The following LARS1 variants were observed in gnomAD, a reference collection of about 807,000 sequenced individuals.
LARS1 encodes the protein leucyl-tRNA synthetase 1.
LARS1 carries 100 observed loss-of-function variants against 162.8 expected under a neutral mutation model. The ratio of observed to expected loss-of-function variants is 0.61; its 90% CI spans 0.52 to 0.73. LARS1 has a LOEUF of 0.73. LARS1 is among the 30% of genes least tolerant of loss of function. LARS1 has a pLI of 0.00. For synonymous variants in LARS1, 457 were observed against 462.8 expected (o/e 0.99, Z 0.16); for missense variants, 1,258 against 1,408.9 (o/e 0.89, Z 1.71).
intron 10 of LARS1, among the ~76,000 whole-genome samples, chr5:146,156,216 C>T (rs62373786): frequency 0.22 from 33,890 of 151,980 alleles, 4,844 homozygotes; most frequent in Admixed American, 0.34. Flanking sequence ...TATCTTTTTG[C>T]GTTTTTTGAA....
At position 146,122,577 on chromosome 5, in the gene LARS1, A is replaced by G. The variant is rs745713653; in HGVS notation, c.3107T>C (p.Ile1036Thr). ...TGCTTCGGAGGCAAACTTGACTTCT[A>G]TGTGTTCTAGCTAAACAGACGGGAA... ...YLTNSLELEH[I>T]EVKFASEAED... Residue 1036 changes from isoleucine (I) to threonine (T), a missense_variant, in exon 30 of 32, where the codon ATA becomes ACA. Ile to Thr is a moderately conservative substitution (Grantham distance 89, BLOSUM62 -1). Coordinates refer to ENST00000394434, the MANE Select transcript of LARS1 (RefSeq NM_020117.11). 17 of 1,604,962 alleles carry G rather than the reference A, an allele frequency of 1.1e-5. No homozygotes were observed. The Admixed American group carries it at 2.0e-4, about 19-fold the overall frequency.
intron 15 of LARS1, among the ~76,000 whole-genome samples, chr5:146,146,409 C>T (rs1157619167): frequency 6.9e-6 from 1 of 144,574 alleles, no homozygotes; most frequent in Admixed American, 7.0e-5. Context: ...AGAGCACCAA[C>T]TAAAGTCATT....
chr5:146,181,204 T>A (rs1228074698), intron 1 of LARS1: 8 of 151,578 alleles, frequency 5.3e-5, no homozygotes. Flanking sequence ...TACAAAAAAT[T>A]TAACTGGGCA....
chr5:146,177,022 AT>A (rs1273319706), intron 2 of LARS1, among the ~76,000 whole-genome samples: 1 of 152,162 alleles, frequency 6.6e-6, no homozygotes, highest in East Asian at 1.9e-4. Flanking sequence ...AGAAAAAAAA[AT>A]CTTTACAAAC....
At chr5:146,158,362 T>C (rs1753623662) in intron 8 of LARS1, among the ~76,000 whole-genome samples, 1 of 152,194 alleles carries the variant, frequency 6.6e-6, no homozygotes, top group Non-Finnish European at 1.5e-5. Flanking sequence ...TCTCAAATCT[T>C]TTAAAATTTT....
chr5:146,177,140 G>T (rs1167986685), intron 2 of LARS1, among the ~76,000 whole-genome samples: 2 of 152,096 alleles, frequency 1.3e-5, no homozygotes, highest in Non-Finnish European at 2.9e-5. Flanking sequence ...CCACCAAGCT[G>T]TTTCTGTACT....
At chr5:146,180,540 A>C (rs1473488315) in intron 1 of LARS1, among the ~76,000 whole-genome samples, 2 of 152,128 alleles carry the variant, frequency 1.3e-5, no homozygotes, top group African/African-American at 4.8e-5. Flanking sequence ...AAAAAATATG[A>C]TCATGTCACC....
chr5:146,123,087 T>C (rs970798873), intron 29 of LARS1, among the ~76,000 whole-genome samples: 3 of 152,044 alleles, frequency 2.0e-5, no homozygotes, highest in Non-Finnish European at 4.4e-5. Flanking sequence ...CATTTAGATA[T>C]ACATAAAATG....
chr5:146,129,836 T>A (rs1752201133), intron 25 of LARS1, among the ~76,000 whole-genome samples, 182 bp downstream of exon 25: 1 of 152,232 alleles, frequency 6.6e-6, no homozygotes, highest in Admixed American at 6.6e-5. Flanking sequence ...TAAGGGCACA[T>A]ATATCCATCT....
chr5:146,134,419 G>A (rs534270182), intron 22 of LARS1, among the ~76,000 whole-genome samples: 22 of 152,152 alleles, frequency 1.4e-4, no homozygotes, highest in South Asian at 4.1e-4. Context: ...ATACAGTTCC[G>A]TCTTTGGCTT....
At chr5:146,177,484 AT>A (rs375888523) in intron 2 of LARS1, 62 bp downstream of exon 2, 2,689 of 115,798 alleles carry the variant, frequency 0.023, 159 homozygotes, top group African/African-American at 0.089. Flanking sequence ...AAAAAAAAAA[AT>A]ATATATATAT....
chr5:146,133,692 C>CAAAA (rs55993097), intron 22 of LARS1, among the ~76,000 whole-genome samples: 20 of 112,212 alleles, frequency 1.8e-4, no homozygotes, highest in African/African-American at 5.6e-4. Flanking sequence ...TATAGGGTTG[C>CAAAA]AAAAAAAAAA....
intron 2 of LARS1, among the ~76,000 whole-genome samples, chr5:146,173,772 AAG>A (rs1182347756): frequency 6.6e-6 from 1 of 152,132 alleles, no homozygotes; most frequent in Non-Finnish European, 1.5e-5. Context: ...ACTGTCCCAC[AAG>A]AGATAACCGA....
chr5:146,116,675 G>A (rs1278462176), intron 31 of LARS1, among the ~76,000 whole-genome samples: 2 of 152,216 alleles, frequency 1.3e-5, no homozygotes, highest in African/African-American at 4.8e-5. Context: ...GACTGATAAC[G>A]AGAAATGAAG....
At chr5:146,154,363 A>G (rs553663358) in intron 10 of LARS1, among the ~76,000 whole-genome samples, 2 of 152,306 alleles carry the variant, frequency 1.3e-5, no homozygotes, top group African/African-American at 4.8e-5. Flanking sequence ...AACTCTTCTC[A>G]CCACAGAAAA....
chr5:146,172,873 A>G, intron 2 of LARS1, 99 bp from the exon 3 acceptor site: 2 of 473,314 alleles, frequency 4.2e-6, no homozygotes, highest in Non-Finnish European at 3.7e-6. Context: ...GATATAAATA[A>G]CTTAAGGTTA....
chr5:146,145,218 G>A (rs1752960402), intron 15 of LARS1, among the ~76,000 whole-genome samples: 1 of 151,828 alleles, frequency 6.6e-6, no homozygotes. Context: ...TGAGTAGCTG[G>A]GACTACAGGC....
At chr5:146,176,023 A>G (rs973092332) in intron 2 of LARS1, among the ~76,000 whole-genome samples, 2 of 151,906 alleles carry the variant, frequency 1.3e-5, no homozygotes, top group Non-Finnish European at 2.9e-5. Context: ...ATGGTGGCGC[A>G]TGCCTGTAGT....
Position 146,130,800 on chromosome 5 carries a change from C to T in LARS1, c.2487+219G>A, listed in dbSNP as rs114406964. 9,466 of 385,190 alleles carry T rather than the reference C, an allele frequency of 0.025. 182 individuals carry two copies. Among genetic ancestry groups the T allele is most frequent in the Middle Eastern group, 0.038 (57 of 1,496 alleles). 23.9% of individuals were successfully genotyped at this position (385,190 alleles called of 1,614,324 possible). A position where few individuals can be genotyped will look rare whatever the true frequency, so the allele number is the denominator to read the frequency against. Reference sequence around the variant, plus strand: ...CTTTATATTAATGCTCATAGCTTAACTAGGAGCAGAATTATTAAATTAAAT... The same window carrying T: ...CTTTATATTAATGCTCATAGCTTAATTAGGAGCAGAATTATTAAATTAAAT... On this transcript the variant is annotated intron_variant, in intron 24 of 31. Coordinates refer to ENST00000394434, the MANE Select transcript of LARS1 (RefSeq NM_020117.11).
Sources: gnomAD v4.1 joint callset for allele counts (sites outside exome capture counted in the v4.1 genomes callset) on GRCh38, gnomAD v4.1.1 for gene constraint, MANE v1.5 for transcripts, NCBI Gene and HGNC (gene_info 2026-07-23, HGNC 2026-07-21) for gene names.